KLHDC4: variants seen among roughly 807,000 people sequenced by gnomAD.
KLHDC4 encodes the protein kelch domain containing 4, also known as kelch domain-containing protein 4.
In KLHDC4, 90 loss-of-function variants were observed where a neutral mutation model predicts 62.4. The ratio of observed to expected loss-of-function variants is 1.44; its 90% CI spans 1.22 to 1.72. KLHDC4 has a LOEUF of 1.72. Among genes scored for constraint, KLHDC4 ranks in the 40% most tolerant of loss-of-function variants. The pLI, the probability that KLHDC4 is intolerant of heterozygous loss-of-function variation, is 0.00. For missense variants in KLHDC4, 1,025 were observed against 699.7 expected, an observed-to-expected ratio of 1.47 and a Z score of -5.25; for synonymous variants, 386 against 284.4, an observed-to-expected ratio of 1.36 and a Z score of -3.59.
At chr16:87,720,824 A>C (rs377299673) in intron 7 of KLHDC4, among the ~76,000 whole-genome samples, 10 of 152,258 alleles carry the variant, frequency 6.6e-5, no homozygotes, top group African/African-American at 2.4e-4. Flanking sequence ...GCCCTGCCAC[A>C]GCCGCAGCCT....
downstream of KLHDC4, among the ~76,000 whole-genome samples, chr16:87,705,455 T>A (rs1265273500): frequency 6.6e-6 from 1 of 152,266 alleles, no homozygotes; most frequent in Admixed American, 6.5e-5. Flanking sequence ...TGATCCCCAT[T>A]GGTTCTGATC....
In KLHDC4 at chr16:87,726,784, T is replaced by C. The variant is rs751249294; in HGVS notation, c.740A>G (p.Tyr247Cys). The C allele has an allele frequency of 1.6e-5, 24 of 1,515,900 alleles. No individual in the cohort carries two copies. The highest frequency in any genetic ancestry group is 5.5e-5 in the East Asian group (2 of 36,616). 93.9% of individuals were successfully genotyped at this position (1,515,900 alleles called of 1,614,324 possible). A position where few individuals can be genotyped will look rare whatever the true frequency, so the allele number is the denominator to read the frequency against. Reference sequence around the variant, plus strand: ...CCTTACCTGTTTCGAGTAGCCCCCATAGACGACGATGCCGCCCTGGGGAGT... The same window carrying C: ...CCTTACCTGTTTCGAGTAGCCCCCACAGACGACGATGCCGCCCTGGGGAGT... ...SVTPQGGIVV[Y>C]GGYSKQRVKK... The change falls in exon 7 of 12, where the codon TAT becomes TGT. Residue 247 changes from tyrosine (Y) to cysteine (C), a missense_variant. Coordinates refer to ENST00000270583, the MANE Select transcript of KLHDC4 (RefSeq NM_017566.4).
At chr16:87,721,577 T>A (rs2038359430) in intron 7 of KLHDC4, among the ~76,000 whole-genome samples, 1 of 152,044 alleles carries the variant, frequency 6.6e-6, no homozygotes, top group African/African-American at 2.4e-5. Context: ...GGCACGGACC[T>A]CAGGGGCCAG....
At chr16:87,731,384 T>C (rs1205666320) in intron 5 of KLHDC4, among the ~76,000 whole-genome samples, 1 of 151,758 alleles carries the variant, frequency 6.6e-6, no homozygotes, top group African/African-American at 2.4e-5. Flanking sequence ...GAATTCTATC[T>C]TAATAGTAAG....
chr16:87,730,702 A>T, intron 5 of KLHDC4, 58 bp from the exon 6 acceptor site: 2 of 1,460,014 alleles, frequency 1.4e-6, no homozygotes, highest in Non-Finnish European at 1.9e-6. Flanking sequence ...GTTGTTCTAA[A>T]GACGACAACA....
At chr16:87,749,104 T>C (rs935037533) in intron 4 of KLHDC4, among the ~76,000 whole-genome samples, 1 of 151,692 alleles carries the variant, frequency 6.6e-6, no homozygotes, top group South Asian at 2.1e-4. Context: ...TGGACACAGC[T>C]AGTTACTTCA....
At chr16:87,725,300 C>T (rs778503789) in intron 7 of KLHDC4, among the ~76,000 whole-genome samples, 4 of 152,074 alleles carry the variant, frequency 2.6e-5, no homozygotes, top group Admixed American at 6.5e-5. Flanking sequence ...AAATTACCAC[C>T]GACTACAGGC....
At chr16:87,703,622 T>G (rs1196653459), downstream of KLHDC4, among the ~76,000 whole-genome samples, 1 of 152,230 alleles carries the variant, frequency 6.6e-6, no homozygotes, top group African/African-American at 2.4e-5. Context: ...CAGTGAAGCC[T>G]GAGTCCAGCC....
intron 8 of KLHDC4, 23 bp from the exon 9 acceptor site, chr16:87,711,466 T>C: frequency 2.5e-6 from 4 of 1,591,226 alleles, no homozygotes; most frequent in Non-Finnish European, 2.6e-6. Flanking sequence ...AACAAGGAAG[T>C]GGGATAAGAA....
intron 7 of KLHDC4, among the ~76,000 whole-genome samples, chr16:87,719,016 C>G (rs984607002): frequency 6.6e-6 from 1 of 151,138 alleles, no homozygotes; most frequent in Non-Finnish European, 1.5e-5. Flanking sequence ...AAGTGAGGAG[C>G]GTCTCCGCCC....
At chr16:87,764,832 A>C (rs1468466743) in intron 1 of KLHDC4, among the ~76,000 whole-genome samples, 19 of 55,528 alleles carry the variant, frequency 3.4e-4, no homozygotes, top group African/African-American at 2.0e-3. Context: ...GACTCTGTCA[A>C]AAAAAAAAAA....
At chr16:87,732,019 G>A (rs889166719) in intron 5 of KLHDC4, among the ~76,000 whole-genome samples, 1 of 152,012 alleles carries the variant, frequency 6.6e-6, no homozygotes, top group Non-Finnish European at 1.5e-5. Context: ...GGAGCTGGGA[G>A]GGGACCAACT....
intron 5 of KLHDC4, among the ~76,000 whole-genome samples, chr16:87,735,829 G>C (rs943658820): frequency 1.3e-5 from 2 of 152,220 alleles, no homozygotes; most frequent in Non-Finnish European, 2.9e-5. Context: ...GCAGCTGCGT[G>C]CAGGATGGAG....
At position 87,716,958 on chromosome 16, in the gene KLHDC4, G is replaced by A. The variant is rs184920496; in HGVS notation, c.760-2385C>T. Among the ~76,000 whole-genome samples, 55 of 151,714 alleles carry A rather than the reference G, an allele frequency of 3.6e-4. 1 individual carries two copies. In the East Asian group the frequency reaches 4.3e-3, roughly 12 times the overall value. On this transcript the variant is annotated intron_variant, in intron 7 of 11. Coordinates refer to ENST00000270583, the MANE Select transcript of KLHDC4 (RefSeq NM_017566.4). Reference sequence around the variant, plus strand: ...AAAAAAAGAAAAGAAAAGAAACTAAGATACCAAGATTTGCTGTAATCCCAG... The same window carrying A: ...AAAAAAAGAAAAGAAAAGAAACTAAAATACCAAGATTTGCTGTAATCCCAG...
exon 1 of KLHDC4, chr16:87,700,038 G>A (rs2034064950): frequency 6.6e-6 from 1 of 152,498 alleles, no homozygotes; most frequent in African/African-American, 2.4e-5. Flanking sequence ...GAGACCCTGA[G>A]GCCTGTGGTG....
At chr16:87,747,455 T>G (rs1409860260) in intron 5 of KLHDC4, 2 of 152,230 alleles carry the variant, frequency 1.3e-5, no homozygotes, top group African/African-American at 2.4e-5. Context: ...AAATCCATTT[T>G]TAGCATGAAA....
chr16:87,762,056 A>C lies in KLHDC4; in HGVS notation c.100-16T>G. The C allele has an allele frequency of 6.2e-7, 1 of 1,612,662 alleles. No individual in the cohort carries two copies. The highest frequency in any genetic ancestry group is 1.3e-5 in the African/African-American group (1 of 74,960). ...CCAGGTCTTCCTAGGGCAAGCAAGC[A>C]GGCACACGTGAGACTTATTCCCAGG... On this transcript the variant is annotated splice_polypyrimidine_tract_variant and intron_variant, in intron 1 of 11. Transcript: ENST00000270583.
At chr16:87,708,669 G>C (rs2035142654) in intron 10 of KLHDC4, 2 of 419,348 alleles carry the variant, frequency 4.8e-6, no homozygotes, top group South Asian at 9.2e-5. Context: ...AGAGATCCGA[G>C]ACGGCAAACA....
chr16:87,764,295 G>C (rs2143525078), intron 1 of KLHDC4, among the ~76,000 whole-genome samples: 1 of 152,260 alleles, frequency 6.6e-6, no homozygotes, highest in East Asian at 1.9e-4. Context: ...CTTAAGGGAA[G>C]CTACTGTTAC....
Sources: gnomAD v4.1 joint callset for allele counts (sites outside exome capture counted in the v4.1 genomes callset) on GRCh38, gnomAD v4.1.1 for gene constraint, MANE v1.5 for transcripts, NCBI Gene and HGNC (gene_info 2026-07-23, HGNC 2026-07-21) for gene names.